SLC24A3: variants seen among roughly 807,000 people sequenced by gnomAD.
SLC24A3 encodes sodium/potassium/calcium exchanger 3.
A neutral mutation model predicts 75.8 loss-of-function variants in SLC24A3; 28 were observed. That is an observed-to-expected ratio of 0.37 (90% CI 0.27 to 0.51). SLC24A3 has a LOEUF of 0.51. SLC24A3 is among the 20% of genes least tolerant of loss of function. SLC24A3 has a pLI of 0.94. For synonymous variants in SLC24A3, 372 were observed against 334.1 expected, an observed-to-expected ratio of 1.11 and a Z score of -1.24; for missense variants, 663 against 847.8, an observed-to-expected ratio of 0.78 and a Z score of 2.71.
rs748005995 is a variant in SLC24A3, at chr20:19,515,522, C to G, written c.306C>G (p.Asn102Lys). 1 of 1,614,170 alleles carries G rather than the reference C, an allele frequency of 6.2e-7. No individual in the cohort carries two copies. The highest frequency in any genetic ancestry group is 1.1e-5 in the South Asian group (1 of 91,082). Residue 102 changes from asparagine (N) to lysine (K), a missense_variant, in exon 3 of 17, where the codon AAC (asparagine) becomes AAG (lysine). Transcript: ENST00000328041. ...LHEFPNDIFT[N>K]EDRRQGAVVL... ...AATTCCCCAATGACATCTTCACAAA[C>G]GAGGATAGAAGACAAGGTGCGGTGG...
intron 2 of SLC24A3, among the ~76,000 whole-genome samples, chr20:19,453,321 C>T (rs190462069): frequency 6.8e-4 from 104 of 152,280 alleles, no homozygotes; most frequent in African/African-American, 2.3e-3. Context: ...ATGCCACTGC[C>T]TCCAGCCTGG....
At chr20:19,603,518 C>T (rs2031557076) in intron 6 of SLC24A3, among the ~76,000 whole-genome samples, 1 of 152,192 alleles carries the variant, frequency 6.6e-6, no homozygotes, top group South Asian at 2.1e-4. Context: ...GAATGACTTC[C>T]TATTTGTGAC....
At chr20:19,715,170 A>C (rs1490813897) in intron 15 of SLC24A3, among the ~76,000 whole-genome samples, 3 of 152,190 alleles carry the variant, frequency 2.0e-5, no homozygotes, top group African/African-American at 7.2e-5. Context: ...CTCCCATTCA[A>C]CATTGACCAG....
intron 6 of SLC24A3, among the ~76,000 whole-genome samples, chr20:19,588,277 A>G (rs780387162): frequency 6.6e-6 from 1 of 152,202 alleles, no homozygotes; most frequent in Non-Finnish European, 1.5e-5. Flanking sequence ...AAATCCAATC[A>G]TGGATTTCAC....
chr20:19,236,362 A>T (rs116339250), intron 1 of SLC24A3, among the ~76,000 whole-genome samples: 1 of 152,296 alleles, frequency 6.6e-6, no homozygotes, highest in Non-Finnish European at 1.5e-5. Context: ...GTGCCTTCCT[A>T]GAGAAGCTTG....
intron 6 of SLC24A3, among the ~76,000 whole-genome samples, chr20:19,604,767 T>C (rs1049885774): frequency 1.3e-5 from 2 of 152,262 alleles, no homozygotes; most frequent in Middle Eastern, 3.4e-3. Flanking sequence ...CTCTGAGGAA[T>C]TTCCTCCATT....
intron 3 of SLC24A3, among the ~76,000 whole-genome samples, chr20:19,561,956 T>C (rs1002528236): frequency 1.3e-5 from 2 of 152,156 alleles, no homozygotes; most frequent in Non-Finnish European, 2.9e-5. Context: ...GCAAATTTCT[T>C]CCATTCCTGT....
Position 19,406,720 on chromosome 20 carries a change from G to A in SLC24A3, c.272-108768G>A, listed in dbSNP as rs142765143. Among the ~76,000 whole-genome samples, 173 of 152,314 alleles carry A rather than the reference G, an allele frequency of 1.1e-3. 1 individual carries two copies. Among genetic ancestry groups the A allele is most frequent in the African/African-American group, 4.0e-3 (167 of 41,572 alleles). ...CATTTGGGGACCTGGGGGTGCAGTA[G>A]ACATCACAGCGTGCTCTATGCCCTC... On this transcript the variant is annotated intron_variant, in intron 2 of 16. Coordinates refer to ENST00000328041, the MANE Select transcript of SLC24A3 (RefSeq NM_020689.4).
At chr20:19,434,540 GA>G (rs763076431) in intron 2 of SLC24A3, among the ~76,000 whole-genome samples, 1 of 151,536 alleles carries the variant, frequency 6.6e-6, no homozygotes, top group Non-Finnish European at 1.5e-5. Flanking sequence ...GGTGACAAAT[GA>G]TTTTTTTTTC....
At chr20:19,467,019 A>G (rs1395011129) in intron 2 of SLC24A3, among the ~76,000 whole-genome samples, 1 of 152,224 alleles carries the variant, frequency 6.6e-6, no homozygotes, top group Non-Finnish European at 1.5e-5. Context: ...CGAGGTAATG[A>G]CAGTACAGGG....
intron 6 of SLC24A3, among the ~76,000 whole-genome samples, chr20:19,593,621 T>A (rs951473539): frequency 6.6e-6 from 1 of 152,066 alleles, no homozygotes; most frequent in African/African-American, 2.4e-5. Context: ...AACCAATGAG[T>A]TGGGAGACGT....
chr20:19,611,764 G>A (rs1169057322), intron 6 of SLC24A3, among the ~76,000 whole-genome samples: 3 of 152,102 alleles, frequency 2.0e-5, no homozygotes, highest in African/African-American at 4.8e-5. Context: ...CACACCTATC[G>A]GGCTGTGTCC....
chr20:19,536,963 T>C (rs1159875959), intron 3 of SLC24A3, among the ~76,000 whole-genome samples: 3 of 152,222 alleles, frequency 2.0e-5, no homozygotes, highest in Non-Finnish European at 4.4e-5. Flanking sequence ...GACACAGGCA[T>C]GGGCAATGAC....
chr20:19,644,375 A>G (rs150554692), intron 6 of SLC24A3, among the ~76,000 whole-genome samples: 2 of 152,314 alleles, frequency 1.3e-5, no homozygotes, highest in East Asian at 1.9e-4. Context: ...CCTCGGCAGC[A>G]TACAGGTTCT....
At chr20:19,649,380 T>A (rs2032174233) in intron 6 of SLC24A3, among the ~76,000 whole-genome samples, 1 of 152,232 alleles carries the variant, frequency 6.6e-6, no homozygotes, top group Non-Finnish European at 1.5e-5. Context: ...TTTATTTTTG[T>A]AAATTGAACT....
At chr20:19,489,462 A>G (rs73275271) in intron 2 of SLC24A3, among the ~76,000 whole-genome samples, 3,581 of 152,310 alleles carry the variant, frequency 0.024, 162 homozygotes, top group African/African-American at 0.08. Context: ...GGCTTTGTTT[A>G]TAGTTGATGA....
At chr20:19,280,907 A>G (rs1983642037) in intron 1 of SLC24A3, 52 bp from the exon 2 acceptor site, 1 of 1,593,406 alleles carries the variant, frequency 6.3e-7, no homozygotes. Context: ...GCGTCGGCAG[A>G]GGCTGAAACC....
intron 16 of SLC24A3, among the ~76,000 whole-genome samples, chr20:19,719,088 T>A (rs568249289): frequency 1.3e-5 from 2 of 151,778 alleles, no homozygotes; most frequent in Non-Finnish European, 2.9e-5. Flanking sequence ...GTTTTCCAGG[T>A]GGAGGGAGCT....
In SLC24A3 at chr20:19,585,452, A is replaced by G. The variant is rs1048026457; in HGVS notation, c.520A>G (p.Thr174Ala). 2.5e-6 allele frequency: 4 copies of G among 1,614,016 alleles called. No homozygotes were observed. The highest frequency in any genetic ancestry group is 1.7e-6 in the Non-Finnish European group (2 of 1,179,974). Reference sequence around the variant, plus strand: ...GATCTGTGTTTCAGGGGTCTTCATCACCAAAGGCGATGTGGGAGTTGGCAC... The same window carrying G: ...GATCTGTGTTTCAGGGGTCTTCATCGCCAAAGGCGATGTGGGAGTTGGCAC... ...LFTSVIGVFITKGDVGVGTIV... is the reference protein window; with the variant it reads ...LFTSVIGVFIAKGDVGVGTIV... Residue 174 changes from threonine to alanine, a missense_variant, in exon 6 of 17, where the codon ACC becomes GCC. Physicochemically the swap from Thr to Ala is moderately conservative, Grantham distance 58 (BLOSUM62 0). Around this residue, in one of 2 missense-constraint regions of SLC24A3, gnomAD observed 510 missense variants for 703.6 expected, o/e 0.72. Transcript: ENST00000328041.
Sources: gnomAD v4.1 joint callset for allele counts (sites outside exome capture counted in the v4.1 genomes callset) on GRCh38, gnomAD v4.1.1 for gene constraint, gnomAD v4.1.1 regional missense constraint, MANE v1.5 for transcripts, NCBI Gene and HGNC (gene_info 2026-07-23, HGNC 2026-07-21) for gene names.